Variants in MYO3B observed in about 807,000 individuals in gnomAD.
MYO3B encodes the protein myosin-IIIb.
In MYO3B, 156 loss-of-function variants were observed where a neutral mutation model predicts 174.6. The ratio of observed to expected loss-of-function variants is 0.89; its 90% CI spans 0.78 to 1.02. MYO3B has a LOEUF of 1.02. Ranked by LOEUF, MYO3B falls within the 50% of genes least tolerant of loss-of-function variation. MYO3B has a pLI of 0.00. For synonymous variants in MYO3B, 563 were observed against 569.1 expected (o/e 0.99, Z 0.15); for missense variants, 1,632 against 1,639.4 (o/e 1.00, Z 0.08).
At chr2:170,406,543 C>A (rs2094510093) in intron 21 of MYO3B, among the ~76,000 whole-genome samples, 4 of 152,044 alleles carry the variant, frequency 2.6e-5, no homozygotes, top group Admixed American at 6.5e-5. Context: ...TTTACCTTAG[C>A]ATATTAAGGT....
rs10668466 is a variant in MYO3B, at chr2:170,408,760, G to GA, written c.2650+928dup. Among the ~76,000 whole-genome samples the GA allele has an allele frequency of 8.6e-4, 124 of 144,574 alleles. 1 individual carries two copies. Among genetic ancestry groups the GA allele is most frequent in the African/African-American group, 2.6e-3 (104 of 39,544 alleles). 94.8% of individuals were successfully genotyped at this position (144,574 alleles called of 152,430 possible). ...GCAGAGGAATGAAAAGCCTGGCTAA[G>GA]AAAAAAAAAAAAGCCACAGTCTACA... On this transcript the variant is annotated intron_variant, in intron 22 of 34. Transcript: ENST00000408978.
chr2:170,429,309 A>G lies in MYO3B; in HGVS notation c.2651-14658A>G, dbSNP rs145686403. Among the ~76,000 whole-genome samples the G allele has an allele frequency of 5.8e-4, 89 of 152,290 alleles. 2 individuals carry two copies. The East Asian group carries it at 0.013, about 23-fold the overall frequency. ...TTAAGACTTTGGCCATATCAGCACT[A>G]TTTTAACTGGAATGAGTCTCCTAGT... On this transcript the variant is annotated intron_variant, in intron 22 of 34. Coordinates refer to ENST00000408978, the MANE Select transcript of MYO3B (RefSeq NM_138995.5).
intron 32 of MYO3B, among the ~76,000 whole-genome samples, chr2:170,608,959 T>C (rs1482008369): frequency 1.3e-5 from 2 of 152,210 alleles, no homozygotes; most frequent in Non-Finnish European, 2.9e-5. Flanking sequence ...AATAAATTAA[T>C]CTGTCAGGGA....
chr2:170,228,326 T>C lies in MYO3B; in HGVS notation c.604-7665T>C, dbSNP rs1314342514. On this transcript the variant is annotated intron_variant, in intron 6 of 34. Coordinates refer to ENST00000408978, the MANE Select transcript of MYO3B (RefSeq NM_138995.5). ...CTCTCCCCTCAGGCCCTCAGTTTTC[T>C]CTTCTGTAAAAGAAGGGGGTTGAAT... Among the ~76,000 whole-genome samples the C allele has an allele frequency of 3.9e-5, 6 of 152,204 alleles. No homozygotes were observed. In the South Asian group the frequency reaches 6.2e-4, roughly 16 times the overall value.
At chr2:170,586,574 C>G (rs573341639) in intron 32 of MYO3B, among the ~76,000 whole-genome samples, 6 of 152,176 alleles carry the variant, frequency 3.9e-5, no homozygotes, top group African/African-American at 1.4e-4. Context: ...ATTTTGATGT[C>G]TTTTATTTTT....
At chr2:170,493,259 A>G (rs1431979372) in intron 25 of MYO3B, among the ~76,000 whole-genome samples, 1 of 152,228 alleles carries the variant, frequency 6.6e-6, no homozygotes, top group Non-Finnish European at 1.5e-5. Flanking sequence ...CAGGTAGGAA[A>G]ATTTTATTTT....
intron 32 of MYO3B, among the ~76,000 whole-genome samples, chr2:170,602,727 G>A (rs1694589087): frequency 2.0e-5 from 3 of 152,094 alleles, no homozygotes; most frequent in Admixed American, 2.0e-4. Flanking sequence ...CTGATCAGAA[G>A]CTCCAGCGTC....
At chr2:170,180,746 C>A (rs1450215210) in intron 1 of MYO3B, among the ~76,000 whole-genome samples, 2 of 152,068 alleles carry the variant, frequency 1.3e-5, no homozygotes, top group African/African-American at 4.8e-5. Context: ...TCCTGTGTAG[C>A]CTTCTGGAAA....
At chr2:170,305,440 C>T (rs188343295) in intron 7 of MYO3B, among the ~76,000 whole-genome samples, 16 of 152,286 alleles carry the variant, frequency 1.1e-4, no homozygotes, top group Admixed American at 9.8e-4. Flanking sequence ...AGAGGCTTTT[C>T]ATTTTAAAAT....
intron 29 of MYO3B, among the ~76,000 whole-genome samples, chr2:170,517,039 C>T (rs943087720): frequency 6.6e-6 from 1 of 152,172 alleles, no homozygotes; most frequent in Non-Finnish European, 1.5e-5. Context: ...TTCCAACTGT[C>T]ACCAGCTCAT....
chr2:170,412,591 C>T (rs139601870), intron 22 of MYO3B, among the ~76,000 whole-genome samples: 1 of 152,192 alleles, frequency 6.6e-6, no homozygotes, highest in Non-Finnish European at 1.5e-5. Flanking sequence ...ATTGTCATAT[C>T]TGTAAAGCAC....
intron 32 of MYO3B, among the ~76,000 whole-genome samples, chr2:170,646,145 C>T (rs1698352596): frequency 6.6e-6 from 1 of 151,896 alleles, no homozygotes; most frequent in Non-Finnish European, 1.5e-5. Context: ...GCGGCACATG[C>T]CTGTAATCCC....
At chr2:170,623,099 A>G (rs377140426) in intron 32 of MYO3B, among the ~76,000 whole-genome samples, 33 of 152,256 alleles carry the variant, frequency 2.2e-4, no homozygotes, top group Non-Finnish European at 4.1e-4. Context: ...GTAATGGGAT[A>G]GCTGGGTCAA....
In MYO3B at chr2:170,293,797, C is replaced by T. The variant is rs559653782; in HGVS notation, c.750-41588C>T. ...TTTTAGCTGACAGTTGCTACTGTACCAAAGAAGCCTTTTTTTTTTATACTT... is the reference window on the plus strand; with the variant it reads ...TTTTAGCTGACAGTTGCTACTGTACTAAAGAAGCCTTTTTTTTTTATACTT... On this transcript the variant is annotated intron_variant, in intron 7 of 34. Coordinates refer to ENST00000408978, the MANE Select transcript of MYO3B (RefSeq NM_138995.5). 3.3e-4 allele frequency among the ~76,000 whole-genome samples: 30 copies of T among 91,516 alleles called. No individual in the cohort carries two copies. In the East Asian group the frequency reaches 9.1e-3, roughly 28 times the overall value. 60.0% of individuals were successfully genotyped at this position (91,516 alleles called of 152,430 possible).
chr2:170,594,634 C>T (rs1049042355), intron 32 of MYO3B, among the ~76,000 whole-genome samples: 4 of 152,122 alleles, frequency 2.6e-5, no homozygotes, highest in South Asian at 2.1e-4. Context: ...CTGAGGCTGG[C>T]AGGGCCTGAA....
chr2:170,214,857 G>A (rs770151516), intron 5 of MYO3B, 29 bp downstream of exon 5: 1 of 1,559,378 alleles, frequency 6.4e-7, no homozygotes, highest in East Asian at 2.2e-5. Flanking sequence ...TTGTTTTCTT[G>A]ACGTGTGCAG....
At chr2:170,436,597 C>A (rs2105896368) in intron 22 of MYO3B, among the ~76,000 whole-genome samples, 1 of 152,318 alleles carries the variant, frequency 6.6e-6, no homozygotes, top group East Asian at 1.9e-4. Flanking sequence ...AAATCTTGAG[C>A]ATCTTGCATA....
At position 170,391,545 on chromosome 2, in the gene MYO3B, T is replaced by C. The variant is rs765497289; in HGVS notation, c.1603T>C (p.Tyr535His). 1.6e-5 allele frequency: 24 copies of C among 1,537,492 alleles called. No homozygotes were observed. The highest frequency in any genetic ancestry group is 2.0e-5 in the Non-Finnish European group (23 of 1,147,288). ...AAREKNFHIF[Y>H]YIYAGLHHQK... ...GAGAGAGAAAAATTTTCATATATTT[T>C]ACTATATTTATGCTGGTCTTCATCA... Residue 535 changes from tyrosine (Y) to histidine (H), a missense_variant, in exon 15 of 35, where the codon TAC becomes CAC. Coordinates refer to ENST00000408978, the MANE Select transcript of MYO3B (RefSeq NM_138995.5).
At chr2:170,614,252 C>T (rs1270761248) in intron 32 of MYO3B, among the ~76,000 whole-genome samples, 2 of 152,076 alleles carry the variant, frequency 1.3e-5, no homozygotes, top group Admixed American at 6.6e-5. Context: ...TAATTCTCAC[C>T]TTGTAAGGTT....
Sources: gnomAD v4.1 joint callset for allele counts (sites outside exome capture counted in the v4.1 genomes callset) on GRCh38, gnomAD v4.1.1 for gene constraint, MANE v1.5 for transcripts, NCBI Gene and HGNC (gene_info 2026-07-23, HGNC 2026-07-21) for gene names.